ZPBP: variants seen among roughly 807,000 people sequenced by gnomAD.
The protein encoded by ZPBP is zona pellucida-binding protein 1.
ZPBP carries 26 observed loss-of-function variants against 44.8 expected under a neutral mutation model. That is an observed-to-expected ratio of 0.58 (90% CI 0.43 to 0.81). The LOEUF (loss-of-function observed/expected upper bound fraction) is 0.81, where lower values mean the gene tolerates loss of function less well. Among genes scored for constraint, ZPBP ranks in the 30% least tolerant of loss-of-function variants. The pLI is 0.00. For missense variants in ZPBP, 409 were observed against 434.0 expected, an observed-to-expected ratio of 0.94 and a Z score of 0.51; for synonymous variants, 174 against 153.2, an observed-to-expected ratio of 1.14 and a Z score of -1.00.
chr7:49,977,928 G>T (rs899825166), intron 7 of ZPBP, among the ~76,000 whole-genome samples: 1 of 152,024 alleles, frequency 6.6e-6, no homozygotes, highest in Non-Finnish European at 1.5e-5. Context: ...CTAAACGTTG[G>T]ATATGTTTTG....
chr7:49,843,802 G>A, the ZPBP span, among the ~76,000 whole-genome samples: 6 of 152,350 alleles, frequency 3.9e-5, no homozygotes, highest in Non-Finnish European at 8.8e-5. Context: ...CTTAACCTGG[G>A]CACTGATGTG....
At chr7:49,888,779 C>G (rs1421091521) in intron 2 of ZPBP, among the ~76,000 whole-genome samples, 1 of 152,150 alleles carries the variant, frequency 6.6e-6, no homozygotes, top group Non-Finnish European at 1.5e-5. Flanking sequence ...GGCGTGGTGG[C>G]AGGCGCCTGT....
chr7:50,077,833 A>T (rs1029693696), intron 3 of ZPBP, among the ~76,000 whole-genome samples: 1 of 151,858 alleles, frequency 6.6e-6, no homozygotes, highest in African/African-American at 2.4e-5. Flanking sequence ...AACAGTTTGG[A>T]GGCTTCTCAA....
chr7:50,022,268 CT>C (rs34139275), intron 5 of ZPBP, among the ~76,000 whole-genome samples: 1 of 151,856 alleles, frequency 6.6e-6, no homozygotes, highest in Admixed American at 6.6e-5. Flanking sequence ...AGTCAGTATT[CT>C]TTTTTCACTC....
chr7:50,037,085 G>A (rs1039553214), intron 4 of ZPBP, among the ~76,000 whole-genome samples: 1 of 151,980 alleles, frequency 6.6e-6, no homozygotes, highest in African/African-American at 2.4e-5. Context: ...ACTATTTCTA[G>A]GAGAAATTAA....
At chr7:49,888,817 A>C (rs1792009627) in intron 2 of ZPBP, among the ~76,000 whole-genome samples, 1 of 152,182 alleles carries the variant, frequency 6.6e-6, no homozygotes, top group Admixed American at 6.5e-5. Flanking sequence ...GGGCCGAGGC[A>C]GGAGAATCGC....
At chr7:50,057,885 G>T in intron 4 of ZPBP, 104 bp downstream of exon 4, 1 of 1,091,026 alleles carries the variant, frequency 9.2e-7, no homozygotes, top group Non-Finnish European at 1.3e-6. Context: ...TTAATTAAAT[G>T]AGACTAAAAA....
At chr7:49,861,618 G>C (rs949074925) in intron 2 of ZPBP, among the ~76,000 whole-genome samples, 1 of 152,156 alleles carries the variant, frequency 6.6e-6, no homozygotes, top group Non-Finnish European at 1.5e-5. Flanking sequence ...AGAGTTTTAT[G>C]ATTTTTAGAT....
intron 7 of ZPBP, among the ~76,000 whole-genome samples, chr7:49,938,911 T>C (rs1039538628): frequency 5.3e-5 from 8 of 152,244 alleles, no homozygotes; most frequent in Non-Finnish European, 8.8e-5. Context: ...TTTTTCCAAA[T>C]TGGGAAATAT....
At chr7:49,981,706 A>C (rs1403310096) in intron 7 of ZPBP, among the ~76,000 whole-genome samples, 2 of 90,188 alleles carry the variant, frequency 2.2e-5, no homozygotes, top group Non-Finnish European at 3.8e-5. Context: ...ATTATATATA[A>C]TATATTATAT....
chr7:49,967,258 G>A lies in ZPBP; in HGVS notation c.961+16084C>T, dbSNP rs528051697. On this transcript the variant is annotated intron_variant, in intron 7 of 7. Coordinates refer to ENST00000046087, the MANE Select transcript of ZPBP (RefSeq NM_007009.3). ...ATTTCTGTGTTTCAAAGTTCCTTGG[G>A]ATAACTGACCCCTTTCTTTCTTCTA... Among the ~76,000 whole-genome samples, 3 of 152,264 alleles carry A rather than the reference G, an allele frequency of 2.0e-5. No individual in the cohort carries two copies. In the East Asian group the frequency reaches 5.8e-4, roughly 29 times the overall value.
intron 7 of ZPBP, among the ~76,000 whole-genome samples, chr7:49,959,530 A>G (rs1470449444): frequency 6.6e-6 from 1 of 152,146 alleles, no homozygotes; most frequent in Non-Finnish European, 1.5e-5. Context: ...AAAACATAAC[A>G]TTCTTATGAA....
At chr7:49,982,964 A>C (rs1359351720) in intron 7 of ZPBP, among the ~76,000 whole-genome samples, 2 of 152,074 alleles carry the variant, frequency 1.3e-5, no homozygotes. Flanking sequence ...TTCACAAGGA[A>C]GGAAAAAGTC....
At chr7:49,986,374 C>T (rs1177153567) in intron 6 of ZPBP, among the ~76,000 whole-genome samples, 1 of 152,182 alleles carries the variant, frequency 6.6e-6, no homozygotes, top group African/African-American at 2.4e-5. Context: ...GACTGAAAGG[C>T]AAGCAGCAGC....
At chr7:50,029,548 G>A (rs1215380143) in intron 5 of ZPBP, among the ~76,000 whole-genome samples, 1 of 152,130 alleles carries the variant, frequency 6.6e-6, no homozygotes, top group Non-Finnish European at 1.5e-5. Context: ...CTATAAAATG[G>A]AAGAAATATT....
intron 2 of ZPBP, among the ~76,000 whole-genome samples, chr7:50,085,885 T>G (rs1024121258): frequency 2.0e-5 from 3 of 152,152 alleles, no homozygotes; most frequent in African/African-American, 4.8e-5. Flanking sequence ...ACTGTGTACA[T>G]GCCCAGAACA....
At chr7:49,891,597 C>G (rs1475438556) in intron 2 of ZPBP, among the ~76,000 whole-genome samples, 1 of 152,024 alleles carries the variant, frequency 6.6e-6, no homozygotes, top group African/African-American at 2.4e-5. Context: ...CCGCCAGGGT[C>G]GATAAAATAT....
At chr7:49,900,669 C>T (rs1467653401) in intron 2 of ZPBP, among the ~76,000 whole-genome samples, 2 of 151,742 alleles carry the variant, frequency 1.3e-5, no homozygotes, top group African/African-American at 4.8e-5. Context: ...TAATTAACAT[C>T]CTTCCAAAAC....
At chr7:49,903,939 CA>C (rs1205843812) in intron 1 of ZPBP, among the ~76,000 whole-genome samples, 3 of 152,142 alleles carry the variant, frequency 2.0e-5, no homozygotes, top group African/African-American at 7.2e-5. Context: ...GTCTGGTTTA[CA>C]TAGGGCTCAC....
Sources: allele counts gnomAD v4.1 joint callset (sites outside exome capture counted in the v4.1 genomes callset), GRCh38; gene constraint gnomAD v4.1.1; transcripts MANE v1.5; gene names NCBI Gene and HGNC (gene_info 2026-07-23, HGNC 2026-07-21).